FLYWCH1: variants seen among roughly 807,000 people sequenced by gnomAD.
FLYWCH1 encodes FLYWCH-type zinc finger-containing protein 1.
A neutral mutation model predicts 66.4 loss-of-function variants in FLYWCH1; 75 were observed. The observed-to-expected ratio is 1.13, with a 90% CI of 0.94 to 1.37. The LOEUF (loss-of-function observed/expected upper bound fraction) is 1.37. Among genes scored for constraint, FLYWCH1 ranks in the 40% most tolerant of loss-of-function variants. The probability of loss-of-function intolerance (pLI) is 0.00; values close to 1 mark genes in which losing one functional copy is unlikely to be tolerated. For synonymous variants in FLYWCH1, 595 were observed against 429.9 expected (o/e 1.38, Z -4.75); for missense variants, 1,334 against 1,001.8 (o/e 1.33, Z -4.48).
intron 6 of FLYWCH1, chr16:2,936,528 G>A (rs769617278): frequency 6.7e-6 from 3 of 446,330 alleles, no homozygotes; most frequent in Non-Finnish European, 9.0e-6. Context: ...ATGTGTCCAC[G>A]ATGCCCCAGG....
chr16:2,934,604 C>G (rs899121954), intron 6 of FLYWCH1: 1 of 456,216 alleles, frequency 2.2e-6, no homozygotes, highest in Non-Finnish European at 4.4e-6. Flanking sequence ...GCTCTTCCTT[C>G]ACGCCCCAAG....
intron 1 of FLYWCH1, among the ~76,000 whole-genome samples, chr16:2,913,640 AACGGT>A: frequency 6.6e-6 from 1 of 152,330 alleles, no homozygotes; most frequent in South Asian, 2.1e-4. Context: ...CCAAAATGCC[AACGGT>A]GCTGAGATTG....
intron 2 of FLYWCH1, among the ~76,000 whole-genome samples, chr16:2,921,743 A>G (rs1314409312): frequency 6.6e-6 from 1 of 151,038 alleles, no homozygotes; most frequent in Non-Finnish European, 1.5e-5. Context: ...CTGTAGTGAA[A>G]TCCTGCCACT....
intron 2 of FLYWCH1, among the ~76,000 whole-genome samples, chr16:2,929,109 G>T (rs2070670436): frequency 6.6e-6 from 1 of 152,234 alleles, no homozygotes; most frequent in South Asian, 2.1e-4. Context: ...TGGCGTCCTG[G>T]TGAAGCACAT....
chr16:2,919,040 A>G (rs1226258513), intron 2 of FLYWCH1, among the ~76,000 whole-genome samples: 1 of 150,508 alleles, frequency 6.6e-6, no homozygotes, highest in African/African-American at 2.4e-5. Flanking sequence ...CTCCAAAGCA[A>G]TTCTTCTGCC....
Position 2,933,536 on chromosome 16 carries a change from C to A in FLYWCH1, c.1203C>A (p.Thr401=). The A allele has an allele frequency of 6.2e-7, 1 of 1,609,470 alleles. No homozygotes were observed. Among genetic ancestry groups the A allele is most frequent in the Non-Finnish European group, 8.5e-7 (1 of 1,177,798 alleles). The change falls in exon 5 of 10, where the codon ACC becomes ACA. Residue 401 remains threonine, a synonymous_variant. Transcript: ENST00000253928. ...RAKVEDQELP[T]QPEAPDEHQD... ...AGGTCGAAGACCAGGAGCTGCCAAC[C>A]CAGCCCGAGGCCCCAGACGAGCACC... is the stretch of plus-strand genomic sequence containing the variant.
At chr16:2,942,933 C>T (rs929138497) in intron 9 of FLYWCH1, among the ~76,000 whole-genome samples, 2 of 151,786 alleles carry the variant, frequency 1.3e-5, no homozygotes, top group African/African-American at 4.8e-5. Context: ...AACTCCCGAC[C>T]TCAAGTGATC....
At chr16:2,931,348 G>A (rs1309230728) in intron 4 of FLYWCH1, among the ~76,000 whole-genome samples, 1 of 150,956 alleles carries the variant, frequency 6.6e-6, no homozygotes, top group Non-Finnish European at 1.5e-5. Context: ...ATGTGGGCTG[G>A]GCACAGTGTT....
rs2071599431 is a variant in FLYWCH1, at chr16:2,949,045, C to T, written c.*318C>T. 1 of 408,872 alleles carries T rather than the reference C, an allele frequency of 2.4e-6. No homozygotes were observed. The highest frequency in any genetic ancestry group is 3.8e-5 in the Admixed American group (1 of 26,026). The allele number at this position is 408,872 out of a possible 1,614,324, so 25.3% of individuals were successfully genotyped here. A position where few individuals can be genotyped will look rare whatever the true frequency, so the allele number is the denominator to read the frequency against. ...CGCCCCTGCTGTACGGCCACAGCAC[C>T]CCTGGGTTTGCAGAGCACGCAGCCT... On this transcript the variant is annotated 3_prime_UTR_variant, in exon 10 of 10. Coordinates refer to ENST00000253928, the MANE Select transcript of FLYWCH1 (RefSeq NM_001308068.2).
chr16:2,926,924 C>G (rs1006520070), intron 2 of FLYWCH1, among the ~76,000 whole-genome samples: 1 of 152,146 alleles, frequency 6.6e-6, no homozygotes, highest in African/African-American at 2.4e-5. Flanking sequence ...AGTACAAACC[C>G]CAAGAGAATA....
chr16:2,948,048 A>G (rs1397773326), intron 9 of FLYWCH1, among the ~76,000 whole-genome samples: 1 of 151,826 alleles, frequency 6.6e-6, no homozygotes, highest in Non-Finnish European at 1.5e-5. Flanking sequence ...CTCAAAAAAG[A>G]AAATTAATTA....
intron 8 of FLYWCH1, 63 bp downstream of exon 8, chr16:2,938,519 C>A: frequency 6.9e-7 from 1 of 1,453,510 alleles, no homozygotes; most frequent in Non-Finnish European, 9.1e-7. Flanking sequence ...CAGCTCAGAA[C>A]TGATGCCCCA....
rs373732653 is a variant in FLYWCH1, at chr16:2,933,194, G to A, written c.861G>A (p.Ser287=). 18 of 1,613,336 alleles carry A rather than the reference G, an allele frequency of 1.1e-5. No individual in the cohort carries two copies. The East Asian group carries it at 2.2e-4, about 20-fold the overall frequency. The change falls in exon 5 of 10, where the codon TCG becomes TCA. Residue 287 remains serine (S), a synonymous_variant. Transcript: ENST00000253928. ...GGGGCAGCTTCCTGGTACACGAGTC[G>A]TTCCTCTACAAGCGGGAGAAGGCTG... ...CYGGSFLVHE[S]FLYKREKAVG...
chr16:2,936,444 A>ACCCCCCCC, intron 6 of FLYWCH1: 8 of 443,806 alleles, frequency 1.8e-5, no homozygotes, highest in Non-Finnish European at 3.2e-5. Flanking sequence ...ACAGCCAGAC[A>ACCCCCCCC]CCCTCCCGCC....
In FLYWCH1 at chr16:2,933,430, T is replaced by C; in HGVS notation, c.1097T>C (p.Leu366Pro). 4 of 1,601,016 alleles carry C rather than the reference T, an allele frequency of 2.5e-6. No homozygotes were observed. The highest frequency in any genetic ancestry group is 3.4e-6 in the Non-Finnish European group (4 of 1,174,612). Residue 366 changes from leucine (L) to proline (P), a missense_variant, in exon 5 of 10, where the codon CTC (leucine) becomes CCC (proline). Physicochemically the swap from Leu to Pro is moderately conservative, Grantham distance 98. Transcript: ENST00000253928. Reference sequence around the variant, plus strand: ...CCTGGGAGCCAAGTGGACACGCTGCTCCGAGGCGTGGATAGTTTGCTCTAC... The same window carrying C: ...CCTGGGAGCCAAGTGGACACGCTGCCCCGAGGCGTGGATAGTTTGCTCTAC... ...DGPGSQVDTL[L>P]RGVDSLLYRR...
At chr16:2,922,677 T>A (rs888505165) in intron 2 of FLYWCH1, 7 of 458,710 alleles carry the variant, frequency 1.5e-5, no homozygotes, top group Admixed American at 2.4e-5. Flanking sequence ...CTCCATTTTG[T>A]TGGCCACACC....
chr16:2,921,083 T>C (rs1448793325), intron 2 of FLYWCH1, among the ~76,000 whole-genome samples: 1 of 152,098 alleles, frequency 6.6e-6, no homozygotes, highest in Non-Finnish European at 1.5e-5. Context: ...CCCCGTGATC[T>C]GCCCGCCTCG....
At chr16:2,932,220 A>T (rs1003988229) in intron 4 of FLYWCH1, among the ~76,000 whole-genome samples, 1 of 148,176 alleles carries the variant, frequency 6.7e-6, no homozygotes, top group African/African-American at 2.5e-5. Flanking sequence ...GCAGTGAGCC[A>T]AGATCGAGCC....
At chr16:2,948,159 G>T (rs528694526) in intron 9 of FLYWCH1, among the ~76,000 whole-genome samples, 7 of 152,304 alleles carry the variant, frequency 4.6e-5, no homozygotes, top group Middle Eastern at 3.4e-3. Context: ...GTGTTGGGTG[G>T]TTCTCCCCCA....
Sources: allele counts gnomAD v4.1 joint callset (sites outside exome capture counted in the v4.1 genomes callset), GRCh38; gene constraint gnomAD v4.1.1; transcripts MANE v1.5; gene names NCBI Gene and HGNC (gene_info 2026-07-23, HGNC 2026-07-21).